Variants in TMEM232 observed in about 807,000 individuals in gnomAD.
TMEM232 encodes transmembrane protein 232.
Under a neutral mutation model 78.8 loss-of-function variants are expected in TMEM232, and 80 were observed. The observed-to-expected ratio is 1.01, with a 90% CI of 0.85 to 1.22. The LOEUF (loss-of-function observed/expected upper bound fraction) is 1.22, where lower values mean the gene tolerates loss of function less well. Among genes scored for constraint, TMEM232 ranks in the 50% most tolerant of loss-of-function variants. TMEM232 has a pLI of 0.00. For synonymous variants in TMEM232, 297 were observed against 254.3 expected, an observed-to-expected ratio of 1.17 and a Z score of -1.60; for missense variants, 881 against 742.2, an observed-to-expected ratio of 1.19 and a Z score of -2.17.
intron 2 of TMEM232, among the ~76,000 whole-genome samples, chr5:110,407,182 T>C (rs1342798425): frequency 6.6e-6 from 1 of 152,090 alleles, no homozygotes; most frequent in Non-Finnish European, 1.5e-5. Context: ...ATACCTTATA[T>C]AACTCCTTAA....
At chr5:110,718,165 G>T (rs1465641206) in intron 1 of TMEM232, among the ~76,000 whole-genome samples, 1 of 151,982 alleles carries the variant, frequency 6.6e-6, no homozygotes, top group Non-Finnish European at 1.5e-5. Flanking sequence ...TTGCAAATAT[G>T]TTTATGTATT....
At chr5:110,603,084 T>C (rs948057227) in intron 10 of TMEM232, among the ~76,000 whole-genome samples, 4 of 151,864 alleles carry the variant, frequency 2.6e-5, no homozygotes, top group Admixed American at 6.6e-5. Flanking sequence ...AAGTGGGAGT[T>C]GAACAATGGG....
chr5:110,679,826 C>T (rs1561502454), intron 1 of TMEM232, among the ~76,000 whole-genome samples: 1 of 151,748 alleles, frequency 6.6e-6, no homozygotes, highest in Non-Finnish European at 1.5e-5. Flanking sequence ...TACTCAAAAG[C>T]AATTTTATGT....
intron 1 of TMEM232, among the ~76,000 whole-genome samples, chr5:110,690,864 T>A (rs1794033880): frequency 2.0e-5 from 3 of 151,750 alleles, no homozygotes; most frequent in African/African-American, 7.3e-5. Flanking sequence ...CTCAGCAAAC[T>A]AACACAGGAA....
At chr5:110,413,140 G>C (rs1165348153) in intron 2 of TMEM232, among the ~76,000 whole-genome samples, 1 of 152,072 alleles carries the variant, frequency 6.6e-6, no homozygotes, top group African/African-American at 2.4e-5. Flanking sequence ...CCTCAATGTG[G>C]GTGGGCATAA....
chr5:110,604,518 T>C (rs569528879), intron 10 of TMEM232, among the ~76,000 whole-genome samples: 1 of 152,200 alleles, frequency 6.6e-6, no homozygotes, highest in East Asian at 1.9e-4. Context: ...ATAAATCCTA[T>C]GGGGAACAAA....
intron 1 of TMEM232, among the ~76,000 whole-genome samples, chr5:110,677,359 G>A (rs1372973418): frequency 6.6e-6 from 1 of 151,830 alleles, no homozygotes; most frequent in Non-Finnish European, 1.5e-5. Flanking sequence ...CAATTTGTGA[G>A]ACACCAAGCA....
chr5:110,593,767 G>A (rs1170796338), intron 10 of TMEM232, among the ~76,000 whole-genome samples: 1 of 152,114 alleles, frequency 6.6e-6, no homozygotes, highest in Non-Finnish European at 1.5e-5. Context: ...GCATGACAGA[G>A]TGCCTATAGT....
At chr5:110,665,464 C>T (rs191573920) in intron 2 of TMEM232, among the ~76,000 whole-genome samples, 86 of 152,040 alleles carry the variant, frequency 5.7e-4, no homozygotes, top group African/African-American at 2.0e-3. Flanking sequence ...GGGGAGGCCA[C>T]AGGAAATTTA....
At chr5:110,440,969 A>G (rs1196086067) in intron 12 of TMEM232, among the ~76,000 whole-genome samples, 1 of 152,144 alleles carries the variant, frequency 6.6e-6, no homozygotes, top group Non-Finnish European at 1.5e-5. Context: ...GGCTCTTTCC[A>G]TGTTTTAATA....
At chr5:110,526,438 A>C (rs1169797046) in intron 12 of TMEM232, among the ~76,000 whole-genome samples, 5 of 151,938 alleles carry the variant, frequency 3.3e-5, no homozygotes, top group African/African-American at 1.2e-4. Flanking sequence ...AGGCTCTGTA[A>C]ACATATGAAA....
intron 12 of TMEM232, among the ~76,000 whole-genome samples, chr5:110,461,098 A>C (rs942859437): frequency 4.6e-5 from 7 of 152,126 alleles, no homozygotes; most frequent in African/African-American, 7.2e-5. Flanking sequence ...TTTCAATCGA[A>C]ATCTAGAAAT....
At chr5:110,415,662 T>C (rs71575329), downstream of TMEM232, among the ~76,000 whole-genome samples, 2,722 of 152,116 alleles carry the variant, frequency 0.018, 26 homozygotes, top group Middle Eastern at 0.045. Context: ...TGCTTTTTAT[T>C]GGGAAGCTTT....
chr5:110,463,315 T>C (rs990187028), intron 12 of TMEM232, among the ~76,000 whole-genome samples: 9 of 152,206 alleles, frequency 5.9e-5, no homozygotes, highest in Non-Finnish European at 1.2e-4. Context: ...CAACTAAATA[T>C]CTTCAAATTA....
At chr5:110,719,166 T>C (rs1014209572) in intron 1 of TMEM232, among the ~76,000 whole-genome samples, 1 of 151,922 alleles carries the variant, frequency 6.6e-6, no homozygotes, top group African/African-American at 2.4e-5. Context: ...ACTGCGTGTG[T>C]GTATATACAT....
intron 11 of TMEM232, among the ~76,000 whole-genome samples, chr5:110,566,500 ATC>A (rs1216187318): frequency 1.3e-5 from 2 of 151,876 alleles, no homozygotes; most frequent in African/African-American, 4.8e-5. Context: ...GCCCTAAATT[ATC>A]TCTCTCAAGT....
At chr5:110,648,447 T>C (rs1787827050) in intron 2 of TMEM232, among the ~76,000 whole-genome samples, 1 of 152,064 alleles carries the variant, frequency 6.6e-6, no homozygotes, top group Non-Finnish European at 1.5e-5. Flanking sequence ...GGAACATGTA[T>C]AAGAATGGTC....
At chr5:110,470,267 C>T (rs1047976237) in intron 12 of TMEM232, among the ~76,000 whole-genome samples, 1 of 152,172 alleles carries the variant, frequency 6.6e-6, no homozygotes, top group Admixed American at 6.5e-5. Context: ...GTTATAGCTA[C>T]AACCTTGTTC....
At chr5:110,628,066 CA>C (rs928040528) in intron 5 of TMEM232, among the ~76,000 whole-genome samples, 186 bp from the exon 6 acceptor site, 1 of 151,788 alleles carries the variant, frequency 6.6e-6, no homozygotes, top group Non-Finnish European at 1.5e-5. Context: ...CTAGTTCAGC[CA>C]AAAAACTTTT....
Sources: allele counts gnomAD v4.1 joint callset (sites outside exome capture counted in the v4.1 genomes callset), GRCh38; gene constraint gnomAD v4.1.1; transcripts MANE v1.5; gene names NCBI Gene and HGNC (gene_info 2026-07-23, HGNC 2026-07-21).